Variants in SPATA6 observed in about 807,000 individuals in gnomAD.
The protein encoded by SPATA6 is spermatogenesis associated 6.
Under a neutral mutation model 65.3 loss-of-function variants are expected in SPATA6, and 56 were observed. That is an observed-to-expected ratio of 0.86 (90% CI 0.69 to 1.07). The LOEUF is 1.07. Ranked by LOEUF, SPATA6 falls within the 50% of genes least tolerant of loss-of-function variation. SPATA6 has a pLI of 0.00. For synonymous variants in SPATA6, 199 were observed against 213.2 expected (o/e 0.93, Z 0.58); for missense variants, 590 against 594.8 (o/e 0.99, Z 0.08).
chr1:48,439,244 T>G lies in SPATA6; in HGVS notation c.238+12308A>C, dbSNP rs377394344. On this transcript the variant is annotated intron_variant, in intron 3 of 12. Transcript: ENST00000371847. ...TAGGAGGACAGGCAAGGGTGCAGGT[T>G]TTCAAGAATGCGTCGGTAAGGGCCA... 3.3e-5 allele frequency among the ~76,000 whole-genome samples: 5 copies of G among 152,270 alleles called. No individual in the cohort carries two copies. The East Asian group carries it at 5.8e-4, about 18-fold the overall frequency.
chr1:48,369,722 C>T (rs1056994503), intron 9 of SPATA6, among the ~76,000 whole-genome samples: 4 of 152,212 alleles, frequency 2.6e-5, no homozygotes, highest in Admixed American at 6.5e-5. Flanking sequence ...TGACCCCTTG[C>T]ACTTCCCGAG....
intron 11 of SPATA6, among the ~76,000 whole-genome samples, chr1:48,347,941 A>C (rs1646415580): frequency 6.6e-6 from 1 of 151,944 alleles, no homozygotes; most frequent in Admixed American, 6.6e-5. Flanking sequence ...AAATTGCCTC[A>C]GTTTTCCAGC....
At chr1:48,316,190 T>C (rs372971376) in intron 11 of SPATA6, among the ~76,000 whole-genome samples, 4 of 152,178 alleles carry the variant, frequency 2.6e-5, no homozygotes, top group East Asian at 3.9e-4. Flanking sequence ...TACTTTAAAG[T>C]TCATATGGAA....
Position 48,364,553 on chromosome 1 carries a change from G to T in SPATA6, c.910-4783C>A, listed in dbSNP as rs545767501. On this transcript the variant is annotated intron_variant, in intron 9 of 12. Coordinates refer to ENST00000371847, the MANE Select transcript of SPATA6 (RefSeq NM_019073.4). Reference sequence around the variant, plus strand: ...TGATTTGCATTTCTCTGATGGCCAGGGATGATGAGCATTTTTTCATGTGTT... The same window carrying T: ...TGATTTGCATTTCTCTGATGGCCAGTGATGATGAGCATTTTTTCATGTGTT... 4.6e-3 allele frequency among the ~76,000 whole-genome samples: 707 copies of T among 152,180 alleles called. 4 individuals carry two copies. The highest frequency in any genetic ancestry group is 0.015 in the African/African-American group (623 of 41,536).
intron 8 of SPATA6, among the ~76,000 whole-genome samples, 164 bp downstream of exon 8, chr1:48,395,103 A>C (rs986479219): frequency 1.3e-5 from 2 of 152,024 alleles, no homozygotes; most frequent in African/African-American, 4.8e-5. Flanking sequence ...GAGAGTATAT[A>C]GTTACTTTTT....
intron 9 of SPATA6, among the ~76,000 whole-genome samples, chr1:48,371,435 T>C (rs1346515892): frequency 3.3e-5 from 5 of 152,222 alleles, no homozygotes; most frequent in Admixed American, 3.3e-4. Context: ...TGTGTGGAAA[T>C]TTATAGATGA....
chr1:48,417,431 G>A (rs543080437), intron 3 of SPATA6, among the ~76,000 whole-genome samples: 16 of 152,236 alleles, frequency 1.1e-4, no homozygotes, highest in Non-Finnish European at 1.8e-4. Context: ...AAAATTAATA[G>A]AGAAATATAT....
chr1:48,443,023 G>C (rs761707804), intron 3 of SPATA6, among the ~76,000 whole-genome samples: 16 of 152,120 alleles, frequency 1.1e-4, no homozygotes, highest in Non-Finnish European at 1.8e-4. Context: ...GTTCCTCCCA[G>C]GCAATTAAGG....
chr1:48,437,185 G>T (rs1311458813), intron 3 of SPATA6: 12 of 1,611,610 alleles, frequency 7.4e-6, no homozygotes, highest in African/African-American at 1.3e-5. Context: ...GCCAGAATGT[G>T]ATTTTCCTGA....
At chr1:48,438,176 G>A (rs1655124576) in intron 3 of SPATA6, among the ~76,000 whole-genome samples, 1 of 152,082 alleles carries the variant, frequency 6.6e-6, no homozygotes, top group African/African-American at 2.4e-5. Flanking sequence ...TTTAAGAGCT[G>A]TAACACTCCC....
intron 11 of SPATA6, among the ~76,000 whole-genome samples, chr1:48,322,521 T>C (rs994863300): frequency 2.0e-5 from 3 of 152,156 alleles, no homozygotes; most frequent in African/African-American, 7.2e-5. Flanking sequence ...AAAGTCTTCA[T>C]GACTAAAACC....
chr1:48,352,646 T>C (rs1646542398), intron 11 of SPATA6, among the ~76,000 whole-genome samples: 1 of 151,928 alleles, frequency 6.6e-6, no homozygotes, highest in Non-Finnish European at 1.5e-5. Context: ...CAAAGAGATA[T>C]TGGGGAAGAA....
intron 10 of SPATA6, among the ~76,000 whole-genome samples, chr1:48,356,448 A>G (rs2148809506): frequency 6.6e-6 from 1 of 151,548 alleles, no homozygotes; most frequent in East Asian, 1.9e-4. Flanking sequence ...TTATAATGAA[A>G]TAGGTAAAAT....
intron 3 of SPATA6, among the ~76,000 whole-genome samples, chr1:48,416,746 G>C (rs1484266757): frequency 6.6e-6 from 1 of 151,902 alleles, no homozygotes; most frequent in African/African-American, 2.4e-5. Context: ...ATCTATTTCA[G>C]GAACAGAGAT....
the SPATA6 span, among the ~76,000 whole-genome samples, chr1:48,279,657 T>C: frequency 6.6e-6 from 1 of 152,294 alleles, no homozygotes; most frequent in South Asian, 2.1e-4. Context: ...ATGCACCCAA[T>C]ACAGGAGCAT....
At chr1:48,459,068 G>A (rs1009444317) in intron 1 of SPATA6, among the ~76,000 whole-genome samples, 3 of 151,962 alleles carry the variant, frequency 2.0e-5, no homozygotes, top group South Asian at 2.1e-4. Flanking sequence ...AACTGGGCGT[G>A]GTGGCAGGCA....
At chr1:48,436,489 C>A (rs1475932562) in intron 3 of SPATA6, 2 of 1,609,568 alleles carry the variant, frequency 1.2e-6, no homozygotes, top group Non-Finnish European at 1.7e-6. Context: ...GTTGAACTAT[C>A]TGTACCAAAA....
At chr1:48,456,489 T>A (rs1223958307) in intron 1 of SPATA6, among the ~76,000 whole-genome samples, 1 of 151,216 alleles carries the variant, frequency 6.6e-6, no homozygotes, top group African/African-American at 2.4e-5. Flanking sequence ...AAGCACAGCC[T>A]ATACATGGGG....
At position 48,471,969 on chromosome 1, in the gene SPATA6, CCAGCGCCAGGGCGCACTG is replaced by C. The variant is rs749867849; in HGVS notation, c.22_39del (p.Gln8_Leu13del). 8.1e-6 allele frequency: 13 copies of C among 1,603,616 alleles called. No individual in the cohort carries two copies. The highest frequency in any genetic ancestry group is 1.4e-5 in the African/African-American group (1 of 73,956). ...CTACCGGTACTCACTGAGCTGATCT[CCAGCGCCAGGGCGCACTG>C]CAGCGCCTTCACCTTCGGCATCCGT... On this transcript the variant is annotated inframe_deletion, in exon 1 of 13. Transcript: ENST00000371847.
Sources: gnomAD v4.1 joint callset for allele counts (sites outside exome capture counted in the v4.1 genomes callset) on GRCh38, gnomAD v4.1.1 for gene constraint, MANE v1.5 for transcripts, NCBI Gene and HGNC (gene_info 2026-07-23, HGNC 2026-07-21) for gene names.